Variants in HTRA1 observed in about 807,000 individuals in gnomAD.
The protein encoded by HTRA1 is serine protease HTRA1.
HTRA1 carries 26 observed loss-of-function variants against 49.7 expected under a neutral mutation model. The ratio of observed to expected loss-of-function variants is 0.52; its 90% CI spans 0.38 to 0.73. The LOEUF (loss-of-function observed/expected upper bound fraction) is 0.73, where lower values mean the gene tolerates loss of function less well. Ranked by LOEUF, HTRA1 falls within the 30% of genes least tolerant of loss-of-function variation. HTRA1 has a pLI of 0.00. For synonymous variants in HTRA1, 291 were observed against 286.9 expected (o/e 1.01, Z -0.14); for missense variants, 561 against 667.2 (o/e 0.84, Z 1.75).
At position 122,506,718 on chromosome 10, in the gene HTRA1, C is replaced by G. The variant is rs757392715; in HGVS notation, c.805C>G (p.Arg269Gly). ...CAAGCTGCCTGTCCTGCTGCTTGGC[C>G]GCTCCTCAGAGCTGCGGCCGGGAGA... ...QGKLPVLLLG[R>G]SSELRPGEFV... is the part of the protein sequence containing the mutation. The change falls in exon 4 of 9, where the codon CGC becomes GGC. Residue 269 changes from arginine (R) to glycine (G), a missense_variant. Transcript: ENST00000368984. The surrounding 1 kb of genome is among the most constrained non-coding windows in gnomAD (Gnocchi z 5.2). 1.2e-6 allele frequency: 2 copies of G among 1,613,384 alleles called. No homozygotes were observed. Among genetic ancestry groups the G allele is most frequent in the East Asian group, 2.2e-5 (1 of 44,872 alleles).
At chr10:122,478,386 T>C (rs1235403796) in intron 1 of HTRA1, among the ~76,000 whole-genome samples, 1 of 112,944 alleles carries the variant, frequency 8.9e-6, no homozygotes, top group Non-Finnish European at 1.7e-5. Flanking sequence ...CTCCTGAGTT[T>C]GACAGATTTT....
At chr10:122,513,538 G>A (rs904323793) in intron 8 of HTRA1, among the ~76,000 whole-genome samples, 2 of 144,344 alleles carry the variant, frequency 1.4e-5, no homozygotes, top group Non-Finnish European at 3.0e-5. Flanking sequence ...GCACATGCAT[G>A]TAATCCCAGC....
At chr10:122,489,741 G>A (rs2097494901) in intron 3 of HTRA1, 115 bp downstream of exon 3, 1 of 976,930 alleles carries the variant, frequency 1.0e-6, no homozygotes, top group Non-Finnish European at 1.6e-6. Flanking sequence ...AAGCCAGTCT[G>A]AGCCAGTCAC....
chr10:122,500,130 C>A (rs1228117935), intron 3 of HTRA1, among the ~76,000 whole-genome samples: 1 of 152,162 alleles, frequency 6.6e-6, no homozygotes, highest in East Asian at 1.9e-4. Context: ...TGCTACTAGG[C>A]AGAACCCTGA....
At chr10:122,493,785 T>G (rs766389758) in intron 3 of HTRA1, among the ~76,000 whole-genome samples, 1 of 152,252 alleles carries the variant, frequency 6.6e-6, no homozygotes, top group Non-Finnish European at 1.5e-5. Flanking sequence ...TACCAGGACC[T>G]TGAGGGCCCC....
chr10:122,499,715 T>A (rs2097500156), intron 3 of HTRA1, among the ~76,000 whole-genome samples: 1 of 152,270 alleles, frequency 6.6e-6, no homozygotes. Flanking sequence ...TCTATAGCAC[T>A]GTTTCTTGCT....
At position 122,461,688 on chromosome 10, in the gene HTRA1, G is replaced by A; in HGVS notation, c.36G>A (p.Leu12=). The stretch of plus-strand genomic sequence containing the variant: ...CGCGCGCCGCTCTTCTCCCGCTGCT[G>A]CTGCTGCTGCTGGCGGCGCCCGCCT... ...QIPRAALLPL[L]LLLLAAPASA... Residue 12 remains leucine, a synonymous_variant, in exon 1 of 9, where the codon CTG becomes CTA. Coordinates refer to ENST00000368984, the MANE Select transcript of HTRA1 (RefSeq NM_002775.5). The A allele has an allele frequency of 7.6e-7, 1 of 1,307,706 alleles. No individual in the cohort carries two copies. The highest frequency in any genetic ancestry group is 9.9e-7 in the Non-Finnish European group (1 of 1,013,202). The allele number at this position is 1,307,706 out of a possible 1,614,324, so 81.0% of individuals were successfully genotyped here. A position where few individuals can be genotyped will look rare whatever the true frequency, so the allele number is the denominator to read the frequency against.
At chr10:122,471,450 G>A (rs1399816989) in intron 1 of HTRA1, among the ~76,000 whole-genome samples, 1 of 152,122 alleles carries the variant, frequency 6.6e-6, no homozygotes, top group Admixed American at 6.6e-5. Flanking sequence ...ATATCATTCT[G>A]CTCCGACCTT....
Position 122,506,688 on chromosome 10 carries a change from C to G in HTRA1, c.778-3C>G. 1 of 1,611,884 alleles carries G rather than the reference C, an allele frequency of 6.2e-7. No individual in the cohort carries two copies. The highest frequency in any genetic ancestry group is 8.5e-7 in the Non-Finnish European group (1 of 1,179,858). ...TCAGCAACGCCAGCCATTGTGGTTT[C>G]AGGGCAAGCTGCCTGTCCTGCTGCT... On this transcript the variant is annotated splice_region_variant and splice_polypyrimidine_tract_variant and intron_variant, in intron 3 of 8. Coordinates refer to ENST00000368984, the MANE Select transcript of HTRA1 (RefSeq NM_002775.5). This position sits in a 1 kb window ranked among gnomAD's most constrained non-coding sequence, Gnocchi z 5.2.
intron 3 of HTRA1, among the ~76,000 whole-genome samples, chr10:122,497,607 G>A (rs1009407948): frequency 2.0e-5 from 3 of 152,122 alleles, no homozygotes; most frequent in African/African-American, 7.2e-5. Context: ...GCCTCCCTGA[G>A]CCCTGAGCTT....
At chr10:122,468,315 C>A (rs2097484625) in intron 1 of HTRA1, among the ~76,000 whole-genome samples, 2 of 152,156 alleles carry the variant, frequency 1.3e-5, no homozygotes, top group African/African-American at 4.8e-5. Flanking sequence ...TAGGGCATTG[C>A]AGAATGGAAG....
chr10:122,475,816 G>A (rs937658190), intron 1 of HTRA1, among the ~76,000 whole-genome samples: 3 of 152,236 alleles, frequency 2.0e-5, no homozygotes, highest in Admixed American at 6.5e-5. Context: ...TGGGGGTCTG[G>A]TTTCCCGGAA....
Position 122,461,681 on chromosome 10 carries a change from C to T in HTRA1, c.29C>T (p.Pro10Leu), listed in dbSNP as rs1565403431. Reference sequence around the variant, plus strand: ...CAGATCCCGCGCGCCGCTCTTCTCCCGCTGCTGCTGCTGCTGCTGGCGGCG... The same window carrying T: ...CAGATCCCGCGCGCCGCTCTTCTCCTGCTGCTGCTGCTGCTGCTGGCGGCG... MQIPRAALLPLLLLLLAAPA... is the reference protein window; with the variant it reads MQIPRAALLLLLLLLLAAPA... Residue 10 changes from proline to leucine, a missense_variant, in exon 1 of 9, where the codon CCG (proline) becomes CTG (leucine). Around this residue, in one of 3 missense-constraint regions of HTRA1, gnomAD observed 111 missense variants for 83.7 expected, o/e 1.33. Coordinates refer to ENST00000368984, the MANE Select transcript of HTRA1 (RefSeq NM_002775.5). 1 of 1,307,196 alleles carries T rather than the reference C, an allele frequency of 7.6e-7. No homozygotes were observed. Among genetic ancestry groups the T allele is most frequent in the South Asian group, 1.4e-5 (1 of 72,338 alleles). The allele number at this position is 1,307,196 out of a possible 1,614,324, so 81.0% of individuals were successfully genotyped here. A position where few individuals can be genotyped will look rare whatever the true frequency, so the allele number is the denominator to read the frequency against.
chr10:122,512,316 C>G (rs2097506022), intron 8 of HTRA1, among the ~76,000 whole-genome samples: 1 of 152,112 alleles, frequency 6.6e-6, no homozygotes, highest in African/African-American at 2.4e-5. Context: ...ATGGACAGAG[C>G]AATAGCAGAC....
In HTRA1 at chr10:122,464,226, C is replaced by A. The variant is rs1369020695; in HGVS notation, c.472+2102C>A. ...GGGGTCCTGAGTTGCTGGCACCATG[C>A]GAGCCGCCTAATTTATTGCTAGTGA... is the stretch of plus-strand genomic sequence containing the variant. On this transcript the variant is annotated intron_variant, in intron 1 of 8. Transcript: ENST00000368984. This position sits in a 1 kb window ranked among gnomAD's most constrained non-coding sequence, Gnocchi z 4.8. Among the ~76,000 whole-genome samples, 5 of 152,280 alleles carry A rather than the reference C, an allele frequency of 3.3e-5. No homozygotes were observed. The highest frequency in any genetic ancestry group is 7.3e-5 in the Non-Finnish European group (5 of 68,040).
chr10:122,463,438 G>T (rs926085996), intron 1 of HTRA1, among the ~76,000 whole-genome samples: 2 of 152,174 alleles, frequency 1.3e-5, no homozygotes, highest in African/African-American at 4.8e-5. Flanking sequence ...CACCCAGTCT[G>T]TGTGCCGGGT....
At chr10:122,468,477 G>A (rs2097484747) in intron 1 of HTRA1, among the ~76,000 whole-genome samples, 1 of 149,840 alleles carries the variant, frequency 6.7e-6, no homozygotes, top group Non-Finnish European at 1.5e-5. Flanking sequence ...AGCTGTGTGG[G>A]AGGAGTGCTG....
In HTRA1 at chr10:122,487,146, T is replaced by G. The variant is rs1461730880; in HGVS notation, c.473-1756T>G. ...TACCATGTGAAATTGCTATGAAAGTTTCCGAAAGCTTCCTGTCAATTCGTA... is the reference window on the plus strand; with the variant it reads ...TACCATGTGAAATTGCTATGAAAGTGTCCGAAAGCTTCCTGTCAATTCGTA... On this transcript the variant is annotated intron_variant, in intron 1 of 8. Transcript: ENST00000368984. This position sits in a 1 kb window ranked among gnomAD's most constrained non-coding sequence, Gnocchi z 4.8. Among the ~76,000 whole-genome samples the G allele has an allele frequency of 6.6e-6, 1 of 152,206 alleles. No homozygotes were observed. Among genetic ancestry groups the G allele is most frequent in the Non-Finnish European group, 1.5e-5 (1 of 68,034 alleles).
At chr10:122,478,229 G>A (rs1007170920) in intron 1 of HTRA1, among the ~76,000 whole-genome samples, 15 of 152,188 alleles carry the variant, frequency 9.9e-5, no homozygotes, top group African/African-American at 2.4e-5. Context: ...GAATGTAAAT[G>A]TGAGGAAGCG....
Sources: gnomAD v4.1 joint callset for allele counts (sites outside exome capture counted in the v4.1 genomes callset) on GRCh38, gnomAD v4.1.1 for gene constraint, gnomAD v4.1.1 regional missense constraint, Gnocchi (gnomAD v3.1) non-coding constraint, MANE v1.5 for transcripts, NCBI Gene and HGNC (gene_info 2026-07-23, HGNC 2026-07-21) for gene names.